The following KATNAL1 variants were observed in gnomAD, a reference collection of about 807,000 sequenced individuals.
KATNAL1 encodes katanin p60 ATPase-containing subunit A-like 1.
A neutral mutation model predicts 55.2 loss-of-function variants in KATNAL1; 32 were observed. The observed-to-expected ratio is 0.58, with a 90% CI of 0.44 to 0.78. The LOEUF is 0.78. Ranked by LOEUF, KATNAL1 falls within the 30% of genes least tolerant of loss-of-function variation. KATNAL1 has a pLI of 0.00. For missense variants in KATNAL1, 466 were observed against 600.9 expected (o/e 0.78, Z 2.35); for synonymous variants, 193 against 193.6 (o/e 1.00, Z 0.02).
chr13:30,271,901 C>A (rs76199343), intron 3 of KATNAL1, among the ~76,000 whole-genome samples: 3,186 of 78,952 alleles, frequency 0.04, 38 homozygotes, highest in Non-Finnish European at 0.064. Context: ...AAAAAAAAAA[C>A]AGAGTTGTGT....
rs1872975001 is a variant in KATNAL1, at chr13:30,204,954, A to T, written c.*3586T>A. 1 of 152,126 alleles carries T rather than the reference A, an allele frequency of 6.6e-6. No individual in the cohort carries two copies. The allele number at this position is 152,126 out of a possible 1,614,324, so 9.4% of individuals were successfully genotyped here. A position where few individuals can be genotyped will look rare whatever the true frequency, so the allele number is the denominator to read the frequency against. ...TAGAAGGTTGCAGCTTCCATTAAAGAGGTGTTTATTTTACTAATATTAATT... is the reference window on the plus strand; with the variant it reads ...TAGAAGGTTGCAGCTTCCATTAAAGTGGTGTTTATTTTACTAATATTAATT... On this transcript the variant is annotated 3_prime_UTR_variant, in exon 11 of 11. Coordinates refer to ENST00000380615, the MANE Select transcript of KATNAL1 (RefSeq NM_032116.5).
intron 3 of KATNAL1, among the ~76,000 whole-genome samples, chr13:30,260,435 A>G (rs1099846): frequency 0.32 from 48,702 of 151,998 alleles, 8,321 homozygotes; most frequent in Admixed American, 0.45. Flanking sequence ...CTATGGGGGG[A>G]AATTCAAACC....
intron 6 of KATNAL1, among the ~76,000 whole-genome samples, chr13:30,234,977 T>C (rs1255057973): frequency 1.3e-5 from 2 of 152,186 alleles, no homozygotes; most frequent in African/African-American, 2.4e-5. Flanking sequence ...GGATGGGGGA[T>C]GACCATGCCA....
At chr13:30,227,754 TTTTTTC>T (rs1875654831) in intron 8 of KATNAL1, among the ~76,000 whole-genome samples, 1 of 150,230 alleles carries the variant, frequency 6.7e-6, no homozygotes, top group East Asian at 2.0e-4. Flanking sequence ...GTGGGATTTT[TTTTTTC>T]TTTCTTTTTT....
chr13:30,241,809 A>G (rs990178502), intron 4 of KATNAL1, among the ~76,000 whole-genome samples: 4 of 152,228 alleles, frequency 2.6e-5, no homozygotes, highest in African/African-American at 7.2e-5. Context: ...AGGCTCAATC[A>G]TAAGTGCTGG....
intron 4 of KATNAL1, among the ~76,000 whole-genome samples, chr13:30,246,353 G>C (rs1369929843): frequency 6.6e-6 from 1 of 152,166 alleles, no homozygotes; most frequent in Middle Eastern, 3.2e-3. Context: ...GCAGAAAACT[G>C]AAACTGGACC....
In KATNAL1 at chr13:30,224,934, T is replaced by C. The variant is rs570478086; in HGVS notation, c.1147+2478A>G. Among the ~76,000 whole-genome samples the C allele has an allele frequency of 4.6e-5, 7 of 152,326 alleles. No homozygotes were observed. In the South Asian group the frequency reaches 1.4e-3, roughly 32 times the overall value. On this transcript the variant is annotated intron_variant, in intron 9 of 10. Transcript: ENST00000380615. The stretch of plus-strand genomic sequence containing the variant: ...GGGTTAGTGTGGACCACATGAGTCA[T>C]GTCTGAGATGTGAAAGGCAAAAATT...
chr13:30,231,162 C>T, intron 7 of KATNAL1, 152 bp downstream of exon 7: 1 of 537,196 alleles, frequency 1.9e-6, no homozygotes, highest in Non-Finnish European at 3.1e-6. Context: ...CCCACAAAAC[C>T]CATCACCCCA....
intron 3 of KATNAL1, among the ~76,000 whole-genome samples, chr13:30,263,628 G>T (rs1295958933): frequency 6.6e-6 from 1 of 151,858 alleles, no homozygotes; most frequent in African/African-American, 2.4e-5. Flanking sequence ...ATTCACAATT[G>T]CTTCAAAGAG....
In KATNAL1 at chr13:30,280,220, G is replaced by A. The variant is rs759078846; in HGVS notation, c.166C>T (p.Arg56Trp). Residue 56 changes from arginine to tryptophan, a missense_variant, in exon 3 of 11, where the codon CGG becomes TGG. Arg to Trp is a moderately radical substitution (Grantham distance 101). Transcript: ENST00000380615. The stretch of plus-strand genomic sequence containing the variant: ...TCATATTCCTCCAATAATTCCTGCC[G>A]AACCTTAAAAAAAAAAAATAGGCTT... ...PAIKGKWQQV[R>W]QELLEEYEQV... The A allele has an allele frequency of 2.9e-5, 45 of 1,553,002 alleles. No homozygotes were observed. The highest frequency in any genetic ancestry group is 1.2e-4 in the East Asian group (5 of 43,442).
chr13:30,238,866 G>C (rs1357996905), intron 6 of KATNAL1, among the ~76,000 whole-genome samples: 2 of 152,210 alleles, frequency 1.3e-5, no homozygotes, highest in Non-Finnish European at 2.9e-5. Context: ...CAATGCAGGA[G>C]AAAGTGTGCC....
chr13:30,284,169 T>C (rs1482533528), intron 1 of KATNAL1, among the ~76,000 whole-genome samples: 1 of 152,200 alleles, frequency 6.6e-6, no homozygotes. Flanking sequence ...CTAGAACTAC[T>C]TTGAAAGTCA....
chr13:30,222,665 AAC>A (rs1874998814), intron 9 of KATNAL1, among the ~76,000 whole-genome samples: 1 of 152,236 alleles, frequency 6.6e-6, no homozygotes, highest in Non-Finnish European at 1.5e-5. Flanking sequence ...GAATAGTAAA[AAC>A]AGTCAATTAG....
intron 10 of KATNAL1, among the ~76,000 whole-genome samples, chr13:30,209,028 T>G (rs897637796): frequency 1.3e-5 from 2 of 152,194 alleles, no homozygotes; most frequent in African/African-American, 4.8e-5. Flanking sequence ...GCCAAGAAGT[T>G]TAGGAAACTG....
chr13:30,293,887 G>C, intron 1 of KATNAL1, among the ~76,000 whole-genome samples: 1 of 152,148 alleles, frequency 6.6e-6, no homozygotes, highest in East Asian at 1.9e-4. Flanking sequence ...TCACATTTTG[G>C]TAATTCTCAC....
At position 30,210,382 on chromosome 13, in the gene KATNAL1, A is replaced by G. The variant is rs569043278; in HGVS notation, c.1208T>C (p.Ile403Thr). 7.6e-5 allele frequency: 123 copies of G among 1,608,766 alleles called. No homozygotes were observed. The highest frequency in any genetic ancestry group is 1.0e-4 in the Non-Finnish European group (118 of 1,177,768). ...CTTCTCGGCTATATCTTCCAGTTGAATATCAGGATCTAATTCGACCTCACG... is the reference window on the plus strand; with the variant it reads ...CTTCTCGGCTATATCTTCCAGTTGAGTATCAGGATCTAATTCGACCTCACG... ...NLREVELDPD[I>T]QLEDIAEKIE... is the part of the protein sequence containing the mutation. Residue 403 changes from isoleucine (I) to threonine (T), a missense_variant, in exon 10 of 11, where the codon ATT becomes ACT. Physicochemically the swap from Ile to Thr is moderately conservative, Grantham distance 89. Transcript: ENST00000380615.
chr13:30,235,879 T>C (rs1876614773), intron 6 of KATNAL1, among the ~76,000 whole-genome samples: 1 of 152,210 alleles, frequency 6.6e-6, no homozygotes, highest in African/African-American at 2.4e-5. Context: ...TAGCCTATTA[T>C]TGATTTGAAG....
intron 3 of KATNAL1, among the ~76,000 whole-genome samples, chr13:30,260,089 G>T (rs2137474557): frequency 6.6e-6 from 1 of 152,316 alleles, no homozygotes; most frequent in East Asian, 1.9e-4. Flanking sequence ...GCCTAACTGG[G>T]AGGTACCCCC....
At position 30,280,085 on chromosome 13, in the gene KATNAL1, G is replaced by A. The variant is rs764546117; in HGVS notation, c.301C>T (p.Pro101Ser). 69 of 1,611,958 alleles carry A rather than the reference G, an allele frequency of 4.3e-5. No homozygotes were observed. In the South Asian group the frequency reaches 6.0e-4, roughly 14 times the overall value. The change falls in exon 3 of 11, where the codon CCC becomes TCC. Residue 101 changes from proline (P) to serine (S), a missense_variant. Physicochemically the swap from Pro to Ser is moderately conservative, Grantham distance 74. Around this residue, in one of 3 missense-constraint regions of KATNAL1, gnomAD observed 248 missense variants for 275.5 expected, o/e 0.90. Transcript: ENST00000380615. ...EPFRDPAVWP[P>S]PVPAEHRAPP... The stretch of plus-strand genomic sequence containing the variant: ...TACCTGTGTTCTGCAGGAACAGGGG[G>A]TGGCCAAACAGCAGGATCTCTAAAT...
Sources: allele counts gnomAD v4.1 joint callset (sites outside exome capture counted in the v4.1 genomes callset), GRCh38; gene constraint gnomAD v4.1.1; regional missense constraint gnomAD v4.1.1; transcripts MANE v1.5; gene names NCBI Gene and HGNC (gene_info 2026-07-23, HGNC 2026-07-21).